Variants in CSNK1G1 observed in about 807,000 individuals in gnomAD.
The protein encoded by CSNK1G1 is casein kinase 1 gamma 1.
In CSNK1G1, 22 loss-of-function variants were observed where a neutral mutation model predicts 59.6. The observed-to-expected ratio is 0.37, with a 90% CI of 0.26 to 0.53. The LOEUF is 0.53. Among genes scored for constraint, CSNK1G1 ranks in the 20% least tolerant of loss-of-function variants. The pLI is 0.89. For synonymous variants in CSNK1G1, 179 were observed against 177.1 expected (o/e 1.01, Z -0.08); for missense variants, 384 against 519.5 (o/e 0.74, Z 2.54).
At chr15:64,278,408 GTGTGTGTGTGTA>G (rs1186453731) in intron 2 of CSNK1G1, among the ~76,000 whole-genome samples, 34 of 131,918 alleles carry the variant, frequency 2.6e-4, no homozygotes, top group South Asian at 4.7e-4. Context: ...GTGTGTGTGT[GTGTGTGTGTGTA>G]TATATATATA....
In CSNK1G1 at chr15:64,200,883, G is replaced by C. The variant is rs2082097794; in HGVS notation, c.1107+2199C>G. Among the ~76,000 whole-genome samples, 1 of 152,150 alleles carries C rather than the reference G, an allele frequency of 6.6e-6. No individual in the cohort carries two copies. On this transcript the variant is annotated intron_variant, in intron 10 of 11. Coordinates refer to ENST00000303052, the MANE Select transcript of CSNK1G1 (RefSeq NM_022048.5). The surrounding 1 kb of genome is among the most constrained non-coding windows in gnomAD (Gnocchi z 4.3). Reference sequence around the variant, plus strand: ...CTATATCTCTGCTACCAATGACAATGCAACAGTTTTATGCACATAACCTAT... The same window carrying C: ...CTATATCTCTGCTACCAATGACAATCCAACAGTTTTATGCACATAACCTAT...
chr15:64,346,336 A>G (rs184551420), intron 1 of CSNK1G1, among the ~76,000 whole-genome samples: 36 of 151,722 alleles, frequency 2.4e-4, no homozygotes, highest in African/African-American at 7.7e-4. Context: ...AATAAACCTT[A>G]TAACTAAATG....
intron 2 of CSNK1G1, among the ~76,000 whole-genome samples, chr15:64,297,617 G>A (rs1332096961): frequency 1.3e-5 from 2 of 151,958 alleles, no homozygotes; most frequent in Non-Finnish European, 1.5e-5. Context: ...AGGATCGCTT[G>A]AGCCTGGGAG....
intron 4 of CSNK1G1, among the ~76,000 whole-genome samples, chr15:64,251,196 T>C (rs765107631): frequency 6.6e-6 from 1 of 152,218 alleles, no homozygotes; most frequent in African/African-American, 2.4e-5. Flanking sequence ...ATTTCCTCCT[T>C]TCTTTTGGTA....
intron 2 of CSNK1G1, among the ~76,000 whole-genome samples, chr15:64,278,662 C>CAG: frequency 6.6e-6 from 1 of 151,892 alleles, no homozygotes; most frequent in African/African-American, 2.4e-5. Flanking sequence ...CTCCTGACCT[C>CAG]GTGATCTGCC....
chr15:64,214,576 GT>G lies in CSNK1G1; in HGVS notation c.445-453del. ...TATTTGGACAAGACTACCCAACCCA[GT>G]TTTCGATGTTGTGAGGCCCAGAGAA... On this transcript the variant is annotated intron_variant, in intron 5 of 11. Coordinates refer to ENST00000303052, the MANE Select transcript of CSNK1G1 (RefSeq NM_022048.5). The surrounding 1 kb of genome is among the most constrained non-coding windows in gnomAD (Gnocchi z 4.3). Among the ~76,000 whole-genome samples, 1 of 152,274 alleles carries G rather than the reference GT, an allele frequency of 6.6e-6. No homozygotes were observed. The highest frequency in any genetic ancestry group is 1.9e-4 in the East Asian group (1 of 5,188).
chr15:64,271,147 C>A (rs1893280683), intron 2 of CSNK1G1, among the ~76,000 whole-genome samples: 2 of 152,092 alleles, frequency 1.3e-5, no homozygotes, highest in South Asian at 4.2e-4. Context: ...ACCACCACAC[C>A]TAGCTAATTT....
At position 64,216,724 on chromosome 15, in the gene CSNK1G1, AGG is replaced by A; in HGVS notation, c.293-13_293-12del. The A allele has an allele frequency of 6.2e-7, 1 of 1,613,654 alleles. No individual in the cohort carries two copies. Among genetic ancestry groups the A allele is most frequent in the Non-Finnish European group, 8.5e-7 (1 of 1,179,608 alleles). ...GTGGGAGACCTTCACCTGAAAGCAG[AGG>A]GGAAATGGGGGTATACAGTGGGAGA... On this transcript the variant is annotated splice_polypyrimidine_tract_variant and intron_variant, in intron 4 of 11. Transcript: ENST00000303052. This position sits in a 1 kb window ranked among gnomAD's most constrained non-coding sequence, Gnocchi z 4.6.
intron 4 of CSNK1G1, among the ~76,000 whole-genome samples, chr15:64,218,278 G>GA: frequency 6.6e-6 from 1 of 152,096 alleles, no homozygotes; most frequent in African/African-American, 2.4e-5. Context: ...CTATGGGTGG[G>GA]ATATAGACAG....
intron 1 of CSNK1G1, among the ~76,000 whole-genome samples, chr15:64,335,218 A>T (rs970412735): frequency 1.3e-5 from 2 of 152,190 alleles, no homozygotes; most frequent in African/African-American, 4.8e-5. Flanking sequence ...AAATTTTTTT[A>T]AGCAAAGCTA....
chr15:64,251,505 G>C lies in CSNK1G1; in HGVS notation c.292+7C>G. The C allele has an allele frequency of 6.3e-7, 1 of 1,597,992 alleles. No individual in the cohort carries two copies. The highest frequency in any genetic ancestry group is 8.6e-7 in the Non-Finnish European group (1 of 1,167,512). On this transcript the variant is annotated splice_region_variant and intron_variant, in intron 4 of 11. Coordinates refer to ENST00000303052, the MANE Select transcript of CSNK1G1 (RefSeq NM_022048.5). ...CTAAGTAAGTGGAGAGAAAAGACTT[G>C]ACTTACCTGCACTGCCAAGCTGTTT...
chr15:64,312,475 G>C (rs1446766238), intron 1 of CSNK1G1, among the ~76,000 whole-genome samples: 2 of 152,144 alleles, frequency 1.3e-5, no homozygotes, highest in African/African-American at 4.8e-5. Context: ...TCTGATCTTT[G>C]ACAAACCTGA....
chr15:64,223,614 C>T (rs557737903), intron 4 of CSNK1G1, among the ~76,000 whole-genome samples: 2 of 152,308 alleles, frequency 1.3e-5, no homozygotes, highest in South Asian at 2.1e-4. Context: ...GAAGTGACTA[C>T]TGAATTTTAC....
At chr15:64,189,331 CCTT>C (rs2081939910) in intron 10 of CSNK1G1, 2 of 1,186,610 alleles carry the variant, frequency 1.7e-6, no homozygotes, top group African/African-American at 3.2e-5. Flanking sequence ...TTCAGGCTCT[CCTT>C]CTTTACCTGC....
At chr15:64,288,752 A>T (rs894856814) in intron 2 of CSNK1G1, among the ~76,000 whole-genome samples, 1 of 152,200 alleles carries the variant, frequency 6.6e-6, no homozygotes, top group South Asian at 2.1e-4. Flanking sequence ...AAAGTAGGCC[A>T]TAAGTTCAGA....
chr15:64,291,630 C>T (rs1441547920), intron 2 of CSNK1G1, among the ~76,000 whole-genome samples: 1 of 152,178 alleles, frequency 6.6e-6, no homozygotes, highest in Non-Finnish European at 1.5e-5. Context: ...CTTAAGCCTG[C>T]ATTCTCTCAG....
At chr15:64,181,918 T>C (rs1371151005) in intron 10 of CSNK1G1, 1 of 154,980 alleles carries the variant, frequency 6.5e-6, no homozygotes, top group Non-Finnish European at 1.4e-5. Flanking sequence ...TCCTGAATAG[T>C]CATAAAGAGG....
chr15:64,181,268 G>A, intron 10 of CSNK1G1: 1 of 1,536,052 alleles, frequency 6.5e-7, no homozygotes. Context: ...TCTCACTCCT[G>A]TCATCTGGTT....
At chr15:64,353,606 C>T (rs1377979855) in intron 1 of CSNK1G1, among the ~76,000 whole-genome samples, 29 of 149,808 alleles carry the variant, frequency 1.9e-4, no homozygotes, top group Non-Finnish European at 3.0e-5. Context: ...GAGATCGTGC[C>T]ACCACACTCC....
Sources: allele counts gnomAD v4.1 joint callset (sites outside exome capture counted in the v4.1 genomes callset), GRCh38; gene constraint gnomAD v4.1.1; non-coding constraint Gnocchi (gnomAD v3.1); transcripts MANE v1.5; gene names NCBI Gene and HGNC (gene_info 2026-07-23, HGNC 2026-07-21).